PGAP1: variants seen among roughly 807,000 people sequenced by gnomAD.
The protein encoded by PGAP1 is post-GPI attachment to proteins inositol deacylase 1.
Under a neutral mutation model 127.0 loss-of-function variants are expected in PGAP1, and 76 were observed. The ratio of observed to expected loss-of-function variants is 0.60; its 90% CI spans 0.50 to 0.72. The LOEUF is 0.72. Among genes scored for constraint, PGAP1 ranks in the 30% least tolerant of loss-of-function variants. The pLI, the probability that PGAP1 is intolerant of heterozygous loss-of-function variation, is 0.00. For missense variants in PGAP1, 982 were observed against 1,071.3 expected, an observed-to-expected ratio of 0.92 and a Z score of 1.16; for synonymous variants, 362 against 366.5, an observed-to-expected ratio of 0.99 and a Z score of 0.14.
intron 10 of PGAP1, among the ~76,000 whole-genome samples, chr2:196,890,503 A>T (rs1413288661): frequency 6.6e-6 from 1 of 152,224 alleles, no homozygotes; most frequent in Admixed American, 6.5e-5. Flanking sequence ...TTGCTTAATT[A>T]CATCTATTCT....
At chr2:196,850,871 A>C (rs1445057766) in intron 20 of PGAP1, among the ~76,000 whole-genome samples, 1 of 152,210 alleles carries the variant, frequency 6.6e-6, no homozygotes, top group Non-Finnish European at 1.5e-5. Context: ...CAGCAGCAGC[A>C]GCAAAAAAAG....
In PGAP1 at chr2:196,837,359, T is replaced by A. The variant is rs1429230647; in HGVS notation, c.*3875A>T. On this transcript the variant is annotated 3_prime_UTR_variant, in exon 27 of 27. Transcript: ENST00000354764. ...AGAAAAGTATAGGAACTAGGCCAGG[T>A]GGTCATGCCTGAAATCCCACTACTT... The A allele has an allele frequency of 2.0e-5, 3 of 152,190 alleles. No individual in the cohort carries two copies. Among genetic ancestry groups the A allele is most frequent in the Non-Finnish European group, 4.4e-5 (3 of 68,040 alleles). 9.4% of individuals were successfully genotyped at this position (152,190 alleles called of 1,614,324 possible). A position where few individuals can be genotyped will look rare whatever the true frequency, so the allele number is the denominator to read the frequency against.
chr2:196,880,226 C>A, intron 12 of PGAP1, 73 bp from the exon 13 acceptor site: 3 of 903,232 alleles, frequency 3.3e-6, no homozygotes, highest in Non-Finnish European at 4.9e-6. Flanking sequence ...ATAAATAACA[C>A]TTATTTCTTA....
At chr2:196,926,033 T>G (rs907147804) in intron 1 of PGAP1, among the ~76,000 whole-genome samples, 1 of 151,410 alleles carries the variant, frequency 6.6e-6, no homozygotes, top group African/African-American at 2.4e-5. Flanking sequence ...TTTAGGCGCG[T>G]GGGAAGCAAA....
chr2:196,850,567 A>G (rs911523200), intron 20 of PGAP1, among the ~76,000 whole-genome samples: 3 of 152,218 alleles, frequency 2.0e-5, no homozygotes, highest in African/African-American at 7.2e-5. Context: ...GAGAGGGACG[A>G]TAAATTTAAG....
chr2:196,842,177 G>C (rs1483939486), intron 26 of PGAP1, among the ~76,000 whole-genome samples: 6 of 152,104 alleles, frequency 3.9e-5, no homozygotes, highest in Non-Finnish European at 7.4e-5. Context: ...AATAAGAGGG[G>C]TTAAGAAATG....
At chr2:196,873,652 C>A in intron 15 of PGAP1, 33 bp downstream of exon 15, 1 of 1,596,690 alleles carries the variant, frequency 6.3e-7, no homozygotes, top group South Asian at 1.1e-5. Context: ...AAAGTAAAAT[C>A]AAATCCTTTT....
In PGAP1 at chr2:196,845,950, T is replaced by C; in HGVS notation, c.2218A>G (p.Ile740Val). The change falls in exon 23 of 27, where the codon ATC (isoleucine) becomes GTC (valine). Residue 740 changes from isoleucine to valine, a missense_variant. Physicochemically the swap from Ile to Val is conservative, Grantham distance 29. Transcript: ENST00000354764. Reference sequence around the variant, plus strand: ...CCACAAGTTGTCCAACTAACTATGATCAAGACAATTGTCAAAAAGGGCAAG... The same window carrying C: ...CCACAAGTTGTCCAACTAACTATGACCAAGACAATTGTCAAAAAGGGCAAG... ...PDLPFLTIVL[I>V]IVSWTTCGAL... 6.2e-7 allele frequency: 1 copy of C among 1,609,068 alleles called. No individual in the cohort carries two copies. The highest frequency in any genetic ancestry group is 8.5e-7 in the Non-Finnish European group (1 of 1,176,724).
chr2:196,906,599 G>T (rs1214276639), intron 4 of PGAP1, among the ~76,000 whole-genome samples: 3 of 49,756 alleles, frequency 6.0e-5, no homozygotes, highest in Non-Finnish European at 1.3e-4. Context: ...AAGCTGGATG[G>T]AGAATGATTT....
At chr2:196,926,381 G>A in intron 1 of PGAP1, 89 bp downstream of exon 1, 1 of 1,584,326 alleles carries the variant, frequency 6.3e-7, no homozygotes, top group South Asian at 1.1e-5. Flanking sequence ...GAGGCGCAGA[G>A]AGCCAAGGCA....
At chr2:196,857,236 T>C (rs926353271) in intron 20 of PGAP1, among the ~76,000 whole-genome samples, 1 of 152,202 alleles carries the variant, frequency 6.6e-6, no homozygotes, top group Non-Finnish European at 1.5e-5. Flanking sequence ...ATCACTAGCA[T>C]TCCTCTATCT....
rs754109695 is a variant in PGAP1, at chr2:196,844,072, G to A, written c.2341C>T (p.Pro781Ser). ...TTTTCACTTCTTCTAGAGTGTTTGG[G>A]ATTCTATAAAACAATAAAGTAGAAA... is the stretch of plus-strand genomic sequence containing the variant. ...TTFKNSQPVNPKHSRRSEKKS... is the reference protein window; with the variant it reads ...TTFKNSQPVNSKHSRRSEKKS... Residue 781 changes from proline (P) to serine (S), a missense_variant, in exon 25 of 27, where the codon CCC becomes TCC. By Grantham distance (74) the Pro-to-Ser change is moderately conservative. Coordinates refer to ENST00000354764, the MANE Select transcript of PGAP1 (RefSeq NM_024989.4). 12 of 1,544,070 alleles carry A rather than the reference G, an allele frequency of 7.8e-6. No homozygotes were observed. The South Asian group carries it at 1.4e-4, about 17-fold the overall frequency.
In PGAP1 at chr2:196,851,320, C is replaced by A. The variant is rs184407833; in HGVS notation, c.1862-3283G>T. Among the ~76,000 whole-genome samples the A allele has an allele frequency of 1.3e-3, 194 of 152,258 alleles. 1 individual carries two copies. The highest frequency in any genetic ancestry group is 2.3e-3 in the Non-Finnish European group (156 of 68,014). On this transcript the variant is annotated intron_variant, in intron 20 of 26. Transcript: ENST00000354764. ...AGGCCACTGCAACCTTACACACACACAAAAATACTTCTCTGAGGACATCTG... is the reference window on the plus strand; with the variant it reads ...AGGCCACTGCAACCTTACACACACAAAAAAATACTTCTCTGAGGACATCTG...
intron 19 of PGAP1, among the ~76,000 whole-genome samples, chr2:196,869,447 G>A (rs908072998): frequency 1.3e-5 from 2 of 152,056 alleles, no homozygotes; most frequent in East Asian, 3.9e-4. Flanking sequence ...CCATTCTCCT[G>A]CCTCAGCCTC....
intron 19 of PGAP1, among the ~76,000 whole-genome samples, chr2:196,866,971 A>C (rs1044146479): frequency 2.0e-5 from 3 of 152,226 alleles, no homozygotes; most frequent in East Asian, 3.8e-4. Flanking sequence ...CGATCATTAA[A>C]AAGTCAGGAA....
intron 7 of PGAP1, among the ~76,000 whole-genome samples, chr2:196,895,282 A>G: frequency 6.6e-6 from 1 of 152,196 alleles, no homozygotes; most frequent in East Asian, 1.9e-4. Flanking sequence ...ACATGCTTGT[A>G]TTTATTGAAA....
At chr2:196,860,256 G>C (rs545086435) in intron 20 of PGAP1, among the ~76,000 whole-genome samples, 3 of 152,178 alleles carry the variant, frequency 2.0e-5, no homozygotes, top group Non-Finnish European at 4.4e-5. Context: ...AGAGGGCTGG[G>C]CGCAGTGGCT....
At chr2:196,900,926 CA>C (rs1435423799) in intron 5 of PGAP1, among the ~76,000 whole-genome samples, 2 of 142,358 alleles carry the variant, frequency 1.4e-5, no homozygotes, top group South Asian at 2.2e-4. Flanking sequence ...GACTCCGTCT[CA>C]AAAAAAAAGA....
At chr2:196,857,626 A>AAAAC (rs1298431787) in intron 20 of PGAP1, among the ~76,000 whole-genome samples, 3 of 152,228 alleles carry the variant, frequency 2.0e-5, no homozygotes, top group Admixed American at 1.3e-4. Flanking sequence ...ATTTGTGTTA[A>AAAAC]AAACAAACAA....
Sources: allele counts gnomAD v4.1 joint callset (sites outside exome capture counted in the v4.1 genomes callset), GRCh38; gene constraint gnomAD v4.1.1; transcripts MANE v1.5; gene names NCBI Gene and HGNC (gene_info 2026-07-23, HGNC 2026-07-21).